Variants in DHRSX observed in about 807,000 individuals in gnomAD.
DHRSX encodes the protein polyprenol dehydrogenase.
Under a neutral mutation model 34.0 loss-of-function variants are expected in DHRSX, and 31 were observed. The observed-to-expected ratio is 0.91, with a 90% CI of 0.69 to 1.23. The LOEUF (loss-of-function observed/expected upper bound fraction) is 1.23, where lower values mean the gene tolerates loss of function less well. Ranked by LOEUF, DHRSX falls within the 50% of genes most tolerant of loss-of-function variation. The probability of loss-of-function intolerance (pLI) is 0.00; values close to 1 mark genes in which losing one functional copy is unlikely to be tolerated. For synonymous variants in DHRSX, 201 were observed against 183.8 expected (o/e 1.09, Z -0.76); for missense variants, 414 against 428.1 (o/e 0.97, Z 0.29).
At position 2,330,134 on chromosome X, in the gene DHRSX, GGAA is replaced by G. The variant is rs202053976; in HGVS notation, c.287-38534_287-38532del. 8.1e-3 allele frequency among the ~76,000 whole-genome samples: 1,091 copies of G among 134,996 alleles called. 36 individuals carry two copies. Among genetic ancestry groups the G allele is most frequent in the African/African-American group, 0.028 (1,004 of 35,656 alleles). 88.6% of individuals were successfully genotyped at this position (134,996 alleles called of 152,430 possible). Reference sequence around the variant, plus strand: ...AGAGAGAGAGAGAGACAGAGAGAAAGGAAGGAGGAGGAGGAGAAAGGAAGGAGG... The same window carrying G: ...AGAGAGAGAGAGAGACAGAGAGAAAGGGAGGAGGAGGAGAAAGGAAGGAGG... On this transcript the variant is annotated intron_variant, in intron 3 of 6. Coordinates refer to ENST00000334651, the MANE Select transcript of DHRSX (RefSeq NM_145177.3).
chrX:2,404,482 G>GA (rs2124633800), intron 3 of DHRSX, among the ~76,000 whole-genome samples: 1 of 152,220 alleles, frequency 6.6e-6, no homozygotes. Flanking sequence ...TCTCCCTGAG[G>GA]AAGAGAAAGA....
rs1008951177 is a variant in DHRSX at position 2,249,227 on chromosome X, C to G, written c.597-5997G>C. Among the ~76,000 whole-genome samples, 3 of 105,804 alleles carry G rather than the reference C, an allele frequency of 2.8e-5. 1 individual carries two copies. Among genetic ancestry groups the G allele is most frequent in the Non-Finnish European group, 5.5e-5 (3 of 54,320 alleles). The allele number at this position is 105,804 out of a possible 152,430, so 69.4% of individuals were successfully genotyped here. On this transcript the variant is annotated intron_variant, in intron 5 of 6. Transcript: ENST00000334651. Reference sequence around the variant, plus strand: ...TTTTTTTTTGAGACAGAGTCTTGTTCTGTCGCCCAGGCTAGAGTACAGTGG... The same window carrying G: ...TTTTTTTTTGAGACAGAGTCTTGTTGTGTCGCCCAGGCTAGAGTACAGTGG...
At chrX:2,455,761 A>AAAAAC (rs1225830315) in intron 1 of DHRSX, among the ~76,000 whole-genome samples, 1 of 150,458 alleles carries the variant, frequency 6.6e-6, no homozygotes, top group Admixed American at 6.7e-5. Flanking sequence ...AAAAAAAAAA[A>AAAAAC]CAATAAAAAG....
intron 3 of DHRSX, among the ~76,000 whole-genome samples, chrX:2,397,735 T>C (rs2043429799): frequency 1.3e-5 from 2 of 152,258 alleles, no homozygotes; most frequent in Non-Finnish European, 2.9e-5. Flanking sequence ...TTTTGGGTAA[T>C]TAACTTGTAA....
chrX:2,335,510 G>A (rs1382381931), intron 3 of DHRSX, among the ~76,000 whole-genome samples: 1 of 151,832 alleles, frequency 6.6e-6, no homozygotes, highest in African/African-American at 2.4e-5. Context: ...GAGTGCAGTG[G>A]CGCGACCTCG....
intron 6 of DHRSX, among the ~76,000 whole-genome samples, chrX:2,228,789 C>T (rs1243751280): frequency 6.6e-6 from 1 of 152,114 alleles, no homozygotes; most frequent in Non-Finnish European, 1.5e-5. Flanking sequence ...GAGATATTTG[C>T]CTGTGACTCT....
intron 3 of DHRSX, among the ~76,000 whole-genome samples, chrX:2,291,919 T>C (rs1246915981): frequency 1.4e-5 from 2 of 147,882 alleles, no homozygotes; most frequent in Non-Finnish European, 3.0e-5. Context: ...TTTTTTTTTT[T>C]AGTAGAGACA....
intron 1 of DHRSX, among the ~76,000 whole-genome samples, chrX:2,499,236 A>G (rs1229479055): frequency 6.6e-6 from 1 of 152,146 alleles, no homozygotes; most frequent in Non-Finnish European, 1.5e-5. Flanking sequence ...AGTGTCTTCC[A>G]GAGGCCTCCT....
chrX:2,372,612 GTTTT>G (rs71950336), intron 3 of DHRSX, among the ~76,000 whole-genome samples: 8,068 of 144,734 alleles, frequency 0.056, 455 homozygotes, highest in African/African-American at 0.14. Flanking sequence ...TTCCTTCTTT[GTTTT>G]TTTTTTTTTG....
intron 3 of DHRSX, among the ~76,000 whole-genome samples, chrX:2,302,964 C>G (rs1664120515): frequency 6.6e-6 from 1 of 152,074 alleles, no homozygotes; most frequent in Non-Finnish European, 1.5e-5. Context: ...ATTCTGAGCA[C>G]AGTGTCATCT....
At chrX:2,493,696 A>G (rs2045215149) in intron 1 of DHRSX, among the ~76,000 whole-genome samples, 1 of 152,112 alleles carries the variant, frequency 6.6e-6, no homozygotes. Flanking sequence ...GGCACCAGGC[A>G]CAGCGGCTCA....
chrX:2,319,220 C>T (rs1925490749), intron 3 of DHRSX, among the ~76,000 whole-genome samples: 1 of 134,976 alleles, frequency 7.4e-6, no homozygotes, highest in South Asian at 2.9e-4. Flanking sequence ...CCCTCCTCCC[C>T]CCCTCCCTTC....
chrX:2,321,414 G>A (rs1334558298), intron 3 of DHRSX, among the ~76,000 whole-genome samples: 6 of 152,182 alleles, frequency 3.9e-5, no homozygotes, highest in South Asian at 2.1e-4. Context: ...GTGTCACCCC[G>A]AATCTCATGT....
At chrX:2,463,688 A>G (rs967588647) in intron 1 of DHRSX, among the ~76,000 whole-genome samples, 4 of 152,116 alleles carry the variant, frequency 2.6e-5, no homozygotes, top group East Asian at 1.9e-4. Context: ...CTGGCTGGAG[A>G]ATGTCTGGGA....
rs1179674417 is a variant in DHRSX at position 2,241,847 on chromosome X, G to A, written c.804+1176C>T. ...CGCTTGAACCCAGGAGGCAGAGGTT[G>A]CACTGGGCAGAGGTCCCGCCACTGC... On this transcript the variant is annotated intron_variant, in intron 6 of 6. Transcript: ENST00000334651. Among the ~76,000 whole-genome samples, 6 of 152,164 alleles carry A rather than the reference G, an allele frequency of 3.9e-5. No homozygotes were observed. The East Asian group carries it at 1.2e-3, about 29-fold the overall frequency.
chrX:2,283,327 G>T (rs151315414), intron 4 of DHRSX, among the ~76,000 whole-genome samples: 1 of 152,006 alleles, frequency 6.6e-6, no homozygotes, highest in East Asian at 1.9e-4. Flanking sequence ...ATCGGGAGAG[G>T]CAGAGGAAAC....
intron 3 of DHRSX, among the ~76,000 whole-genome samples, chrX:2,357,784 T>G (rs1035612721): frequency 6.6e-6 from 1 of 151,422 alleles, no homozygotes; most frequent in Non-Finnish European, 1.5e-5. Context: ...CAAGCTAAGA[T>G]TTCCAGGCAA....
chrX:2,299,327 T>C (rs1020243678), intron 3 of DHRSX, among the ~76,000 whole-genome samples: 2 of 152,058 alleles, frequency 1.3e-5, no homozygotes, highest in Admixed American at 6.6e-5. Context: ...ATTCTGACAG[T>C]GAGACAGTAT....
At chrX:2,234,427 C>T (rs1373779706) in intron 6 of DHRSX, among the ~76,000 whole-genome samples, 3 of 152,204 alleles carry the variant, frequency 2.0e-5, no homozygotes, top group Non-Finnish European at 2.9e-5. Context: ...TCCATGCACA[C>T]AGCTAGACCC....
Sources: allele counts gnomAD v4.1 joint callset (sites outside exome capture counted in the v4.1 genomes callset), GRCh38; gene constraint gnomAD v4.1.1; transcripts MANE v1.5; gene names NCBI Gene and HGNC (gene_info 2026-07-23, HGNC 2026-07-21).